CPT1A: variants seen among roughly 807,000 people sequenced by gnomAD.
The protein encoded by CPT1A is carnitine O-palmitoyltransferase 1, liver isoform.
In CPT1A, 64 loss-of-function variants were observed where a neutral mutation model predicts 100.8. That is an observed-to-expected ratio of 0.63 (90% CI 0.52 to 0.78). The LOEUF (loss-of-function observed/expected upper bound fraction) is 0.78. Ranked by LOEUF, CPT1A falls within the 30% of genes least tolerant of loss-of-function variation. CPT1A has a pLI of 0.00. For synonymous variants in CPT1A, 363 were observed against 396.0 expected (o/e 0.92, Z 0.99); for missense variants, 802 against 1,034.1 (o/e 0.78, Z 3.08).
rs1376300831 is a variant in CPT1A, at chr11:68,757,478, G to A, written c.*166C>T. On this transcript the variant is annotated 3_prime_UTR_variant, in exon 19 of 19. Coordinates refer to ENST00000265641, the MANE Select transcript of CPT1A (RefSeq NM_001876.4). ...AAGTAGTGGGGTTATGCTTCACAGG[G>A]GAGAGATACTGTTCTAGGAAAAAAA... The A allele has an allele frequency of 1.3e-6, 2 of 1,496,828 alleles. No individual in the cohort carries two copies. Among genetic ancestry groups the A allele is most frequent in the Admixed American group, 2.2e-5 (1 of 45,574 alleles). The allele number at this position is 1,496,828 out of a possible 1,614,324, so 92.7% of individuals were successfully genotyped here. A position where few individuals can be genotyped will look rare whatever the true frequency, so the allele number is the denominator to read the frequency against.
upstream of CPT1A, among the ~76,000 whole-genome samples, chr11:68,842,761 A>G (rs1383201060): frequency 2.6e-5 from 4 of 151,932 alleles, no homozygotes; most frequent in African/African-American, 9.7e-5. Context: ...CACCGGTCCC[A>G]GGAGTCTAGG....
chr11:68,824,785 C>A (rs1856678200), intron 1 of CPT1A, among the ~76,000 whole-genome samples: 2 of 138,298 alleles, frequency 1.4e-5, no homozygotes, highest in Non-Finnish European at 3.0e-5. Context: ...TTGCTACATG[C>A]AATTGTATCT....
chr11:68,757,254 G>A lies in CPT1A; in HGVS notation c.*390C>T. The stretch of plus-strand genomic sequence containing the variant: ...AAACAAAAGTTTACCCTGCTTGGAT[G>A]ATGCTAAATGCCCTTAAGCACTAGG... On this transcript the variant is annotated 3_prime_UTR_variant, in exon 19 of 19. Transcript: ENST00000265641. The A allele has an allele frequency of 9.6e-7, 1 of 1,045,528 alleles. No homozygotes were observed. The highest frequency in any genetic ancestry group is 1.2e-6 in the Non-Finnish European group (1 of 852,908). The allele number at this position is 1,045,528 out of a possible 1,614,324, so 64.8% of individuals were successfully genotyped here. A position where few individuals can be genotyped will look rare whatever the true frequency, so the allele number is the denominator to read the frequency against.
In CPT1A at chr11:68,799,039, C is replaced by T. The variant is rs530060887; in HGVS notation, c.693+179G>A. 7.9e-5 allele frequency among the ~76,000 whole-genome samples: 12 copies of T among 152,254 alleles called. No individual in the cohort carries two copies. In the South Asian group the frequency reaches 2.3e-3, roughly 29 times the overall value. Reference sequence around the variant, plus strand: ...CCAAGAAACTGTCACTGTAACTACACGTCAGTCCTAACACACACACACTCC... The same window carrying T: ...CCAAGAAACTGTCACTGTAACTACATGTCAGTCCTAACACACACACACTCC... On this transcript the variant is annotated intron_variant, in intron 6 of 18. Transcript: ENST00000265641.
rs1857154327 is a variant in CPT1A at position 68,841,308 on chromosome 11, T to A, written c.-14+467A>T. 6.6e-6 allele frequency among the ~76,000 whole-genome samples: 1 copy of A among 151,064 alleles called. No homozygotes were observed. The highest frequency in any genetic ancestry group is 1.5e-5 in the Non-Finnish European group (1 of 67,744). On this transcript the variant is annotated intron_variant, in intron 1 of 18. Transcript: ENST00000265641. This position sits in a 1 kb window ranked among gnomAD's most constrained non-coding sequence, Gnocchi z 6.3. Reference sequence around the variant, plus strand: ...GCCCTACTGGCCCCGGGCGAAGGCATCCTGGAAAGCATCCAGAGCGTCCAG... The same window carrying A: ...GCCCTACTGGCCCCGGGCGAAGGCAACCTGGAAAGCATCCAGAGCGTCCAG...
chr11:68,826,145 G>T (rs760278324), intron 1 of CPT1A, among the ~76,000 whole-genome samples: 1 of 152,132 alleles, frequency 6.6e-6, no homozygotes, highest in South Asian at 2.1e-4. Flanking sequence ...ATGTACCCCC[G>T]CACTGAAAGC....
chr11:68,765,131 G>A (rs1053913435), intron 14 of CPT1A, among the ~76,000 whole-genome samples: 2 of 152,216 alleles, frequency 1.3e-5, no homozygotes, highest in Admixed American at 6.5e-5. Context: ...CTTCATAGGC[G>A]CTCACAATGA....
chr11:68,815,285 T>C, intron 2 of CPT1A, 49 bp downstream of exon 2: 1 of 1,595,296 alleles, frequency 6.3e-7, no homozygotes, highest in Non-Finnish European at 8.6e-7. Context: ...AGCCCCGTTC[T>C]TAGATATTAA....
At position 68,775,332 on chromosome 11, in the gene CPT1A, C is replaced by T; in HGVS notation, c.1559G>A (p.Trp520Ter). Residue 520 changes from tryptophan to a stop codon, truncating the protein, a stop_gained, in exon 13 of 19, where the codon TGG becomes TAG. Transcript: ENST00000265641. LOFTEE classifies it high-confidence loss of function. The part of the protein sequence containing the change: ...PNIPYPTRLQ[W>*]DIPGECQEVI... ...CGGACTTACTTCCCCCGGGATGTCC[C>T]ACTGCAGCCTGGTGGGGTACGGAAT... 1 of 1,613,742 alleles carries T rather than the reference C, an allele frequency of 6.2e-7. No individual in the cohort carries two copies. The highest frequency in any genetic ancestry group is 8.5e-7 in the Non-Finnish European group (1 of 1,179,642).
chr11:68,803,536 C>A (rs1353991878), intron 5 of CPT1A, among the ~76,000 whole-genome samples: 2 of 151,840 alleles, frequency 1.3e-5, no homozygotes, highest in East Asian at 3.9e-4. Context: ...CATGGTGAAA[C>A]CCTGTCTCTA....
chr11:68,792,724 G>A (rs968020011), intron 9 of CPT1A, among the ~76,000 whole-genome samples: 1 of 152,214 alleles, frequency 6.6e-6, no homozygotes, highest in East Asian at 1.9e-4. Context: ...ACTGTGAGCC[G>A]GAGTAAAATG....
intron 6 of CPT1A, 86 bp from the exon 7 acceptor site, chr11:68,797,019 G>A: frequency 1.4e-5 from 18 of 1,306,810 alleles, no homozygotes; most frequent in Non-Finnish European, 2.0e-5. Flanking sequence ...CGCGGGGAAG[G>A]GCAGGCAGTG....
rs773497434 is a variant in CPT1A, at chr11:68,807,601, C to T, written c.319G>A (p.Gly107Ser). The part of the protein sequence containing the change: ...MSSQTKNVVS[G>S]VLFGTGLWVA... ...CACAGGCCGGTGCCAAACAGCACGCCGCTGACCACGTTCTTCGTCTGGCTG... is the reference window on the plus strand; with the variant it reads ...CACAGGCCGGTGCCAAACAGCACGCTGCTGACCACGTTCTTCGTCTGGCTG... The change falls in exon 4 of 19, where the codon GGC (glycine) becomes AGC (serine). Residue 107 changes from glycine to serine, a missense_variant. Coordinates refer to ENST00000265641, the MANE Select transcript of CPT1A (RefSeq NM_001876.4). The T allele has an allele frequency of 3.7e-6, 6 of 1,614,006 alleles. No individual in the cohort carries two copies. The highest frequency in any genetic ancestry group is 1.7e-5 in the Admixed American group (1 of 59,998).
chr11:68,816,903 G>A (rs183181835), intron 1 of CPT1A, among the ~76,000 whole-genome samples: 1 of 62,562 alleles, frequency 1.6e-5, no homozygotes, highest in Non-Finnish European at 3.8e-5. Context: ...GGTGTGTGTG[G>A]GTGTGTGTGT....
intron 1 of CPT1A, among the ~76,000 whole-genome samples, chr11:68,838,754 CAG>C (rs1857086067): frequency 6.6e-6 from 1 of 151,966 alleles, no homozygotes; most frequent in African/African-American, 2.4e-5. Context: ...TTTGTAGAGA[CAG>C]GGGTCTGGCT....
chr11:68,781,842 G>A lies in CPT1A; in HGVS notation c.1281C>T (p.Tyr427=). 3 of 1,614,062 alleles carry A rather than the reference G, an allele frequency of 1.9e-6. No homozygotes were observed. The highest frequency in any genetic ancestry group is 2.5e-6 in the Non-Finnish European group (3 of 1,180,016). ...TTGACGTATCCGGGTCTTCACTTCT[G>A]TATCCTTCTTCAGTTTCATCTAACG... is the stretch of plus-strand genomic sequence containing the variant. ...FVTLDETEEG[Y]RSEDPDTSMD... Residue 427 remains tyrosine, a synonymous_variant, in exon 11 of 19, where the codon TAC becomes TAT. Transcript: ENST00000265641.
chr11:68,821,448 C>T (rs759657916), intron 1 of CPT1A, among the ~76,000 whole-genome samples: 3 of 152,178 alleles, frequency 2.0e-5, no homozygotes, highest in Admixed American at 6.5e-5. Context: ...CCACCGCGCC[C>T]GGCCTACATT....
In CPT1A at chr11:68,784,939, G is replaced by A. The variant is rs755185359; in HGVS notation, c.1039C>T (p.Leu347Phe). The A allele has an allele frequency of 6.2e-7, 1 of 1,614,116 alleles. No homozygotes were observed. Among genetic ancestry groups the A allele is most frequent in the South Asian group, 1.1e-5 (1 of 91,082 alleles). Residue 347 changes from leucine to phenylalanine, a missense_variant, in exon 10 of 19, where the codon CTC becomes TTC. Transcript: ENST00000265641. ...TTCAGCAGCCGCCCATCATGGTAGAGCCAGACCTTGAAGTAGCGTCCTCGA... is the reference window on the plus strand; with the variant it reads ...TTCAGCAGCCGCCCATCATGGTAGAACCAGACCTTGAAGTAGCGTCCTCGA... ...YHRGRYFKVW[L>F]YHDGRLLKPR...
At chr11:68,811,715 T>A (rs750237569) in intron 3 of CPT1A, among the ~76,000 whole-genome samples, 1 of 152,160 alleles carries the variant, frequency 6.6e-6, no homozygotes, top group Non-Finnish European at 1.5e-5. Context: ...GAGAGGTCAC[T>A]GCAGTGCAGG....
Sources: allele counts gnomAD v4.1 joint callset (sites outside exome capture counted in the v4.1 genomes callset), GRCh38; gene constraint gnomAD v4.1.1; non-coding constraint Gnocchi (gnomAD v3.1); transcripts MANE v1.5; gene names NCBI Gene and HGNC (gene_info 2026-07-23, HGNC 2026-07-21).